AXIN1: variants seen among roughly 807,000 people sequenced by gnomAD.
AXIN1 encodes axin 1.
A neutral mutation model predicts 76.4 loss-of-function variants in AXIN1; 30 were observed. The ratio of observed to expected loss-of-function variants is 0.39; its 90% CI spans 0.29 to 0.53. The LOEUF (loss-of-function observed/expected upper bound fraction) is 0.53. Ranked by LOEUF, AXIN1 falls within the 20% of genes least tolerant of loss-of-function variation. The pLI is 0.66. For synonymous variants in AXIN1, 545 were observed against 501.4 expected, an observed-to-expected ratio of 1.09 and a Z score of -1.16; for missense variants, 1,140 against 1,198.8, an observed-to-expected ratio of 0.95 and a Z score of 0.72.
At chr16:338,202 T>C (rs1478748610) in intron 2 of AXIN1, among the ~76,000 whole-genome samples, 1 of 152,180 alleles carries the variant, frequency 6.6e-6, no homozygotes, top group African/African-American at 2.4e-5. Flanking sequence ...AACCGGAGCG[T>C]GTGCGTCAAT....
At chr16:338,677 C>T (rs3848366) in intron 2 of AXIN1, among the ~76,000 whole-genome samples, 1 of 152,172 alleles carries the variant, frequency 6.6e-6, no homozygotes, top group Non-Finnish European at 1.5e-5. Context: ...AATTCCAGCA[C>T]TTTGGGAGGC....
intron 2 of AXIN1, among the ~76,000 whole-genome samples, chr16:330,002 G>A (rs1415956130): frequency 6.6e-6 from 1 of 151,564 alleles, no homozygotes; most frequent in Non-Finnish European, 1.5e-5. Flanking sequence ...TCCTGACCTC[G>A]TGATCCTCCC....
chr16:333,285 T>A (rs1264935558), intron 2 of AXIN1, among the ~76,000 whole-genome samples: 1 of 150,590 alleles, frequency 6.6e-6, no homozygotes, highest in Non-Finnish European at 1.5e-5. Flanking sequence ...TGAGCCGAGA[T>A]CGCACCACTG....
Position 288,050 on chromosome 16 carries a change from G to T in AXIN1, c.*72C>A. 2 of 1,609,034 alleles carry T rather than the reference G, an allele frequency of 1.2e-6. No homozygotes were observed. Among genetic ancestry groups the T allele is most frequent in the Middle Eastern group, 1.7e-4 (1 of 6,052 alleles). On this transcript the variant is annotated 3_prime_UTR_variant, in exon 11 of 11. Transcript: ENST00000262320. ...TCCCCATCGGGCTCCTGAGTACGAG[G>T]TCATCTGCCTGGCCGTGACACCCGT...
chr16:300,998 C>T (rs2052853701), intron 5 of AXIN1, among the ~76,000 whole-genome samples: 1 of 152,166 alleles, frequency 6.6e-6, no homozygotes, highest in Admixed American at 6.5e-5. Context: ...TTTAAAAAAT[C>T]TGGAGTTCAC....
Position 287,863 on chromosome 16 carries a change from CG to C in AXIN1, c.*258del. The C allele has an allele frequency of 1.7e-6, 1 of 573,628 alleles. No homozygotes were observed. The highest frequency in any genetic ancestry group is 3.0e-5 in the East Asian group (1 of 33,312). 35.5% of individuals were successfully genotyped at this position (573,628 alleles called of 1,614,324 possible). On this transcript the variant is annotated 3_prime_UTR_variant, in exon 11 of 11. Coordinates refer to ENST00000262320, the MANE Select transcript of AXIN1 (RefSeq NM_003502.4). The stretch of plus-strand genomic sequence containing the variant: ...CACCTGAAGCTGGCAGCAGGGACCT[CG>C]GCTGCCTCACTTGGGCTGGGCCCTC...
intron 3 of AXIN1, among the ~76,000 whole-genome samples, chr16:314,246 TGGA>T (rs2053247882): frequency 6.6e-6 from 1 of 152,198 alleles, no homozygotes; most frequent in Admixed American, 6.5e-5. Context: ...TTGTACTGCT[TGGA>T]GGACAGCCTC....
chr16:310,205 C>T (rs1162448924), intron 3 of AXIN1, 136 bp from the exon 4 acceptor site: 28 of 745,050 alleles, frequency 3.8e-5, no homozygotes, highest in Admixed American at 1.0e-4. Flanking sequence ...CACTGAGACA[C>T]GTGCACACAG....
chr16:326,051 T>A (rs920023290), intron 2 of AXIN1, among the ~76,000 whole-genome samples: 1 of 152,052 alleles, frequency 6.6e-6, no homozygotes, highest in Non-Finnish European at 1.5e-5. Flanking sequence ...TGCTGTCACT[T>A]ATATACTATA....
chr16:318,648 C>T lies in AXIN1; in HGVS notation c.879-3965G>A, dbSNP rs576588589. Among the ~76,000 whole-genome samples the T allele has an allele frequency of 9.2e-5, 14 of 152,276 alleles. No individual in the cohort carries two copies. The East Asian group carries it at 2.5e-3, about 27-fold the overall frequency. On this transcript the variant is annotated intron_variant, in intron 2 of 10. Transcript: ENST00000262320. ...AGCTGGGATCCAGTGGCGGGAGGGG[C>T]ATGTGCTCGCGTGCCTGCCTGTGCG...
chr16:287,711 A>G lies in AXIN1; in HGVS notation c.*411T>C. The G allele has an allele frequency of 2.8e-6, 1 of 360,494 alleles. No homozygotes were observed. The highest frequency in any genetic ancestry group is 4.6e-5 in the East Asian group (1 of 21,740). 22.3% of individuals were successfully genotyped at this position (360,494 alleles called of 1,614,324 possible). A position where few individuals can be genotyped will look rare whatever the true frequency, so the allele number is the denominator to read the frequency against. ...GCACTCGGTGGCGCGTACAATTGACAGAGGCCCTGCAGGCCTCTGCATCCG... is the reference window on the plus strand; with the variant it reads ...GCACTCGGTGGCGCGTACAATTGACGGAGGCCCTGCAGGCCTCTGCATCCG... On this transcript the variant is annotated 3_prime_UTR_variant, in exon 11 of 11. Coordinates refer to ENST00000262320, the MANE Select transcript of AXIN1 (RefSeq NM_003502.4).
chr16:344,476 G>GT (rs1170609308), intron 2 of AXIN1, among the ~76,000 whole-genome samples: 1,513 of 88,872 alleles, frequency 0.017, 34 homozygotes, highest in African/African-American at 0.049. Context: ...ATCCTTTTTT[G>GT]TTTTTTTTTT....
chr16:340,048 C>CTT (rs1303507573), intron 2 of AXIN1, among the ~76,000 whole-genome samples: 2 of 147,506 alleles, frequency 1.4e-5, no homozygotes, highest in African/African-American at 4.9e-5. Flanking sequence ...TCTTCTTCTT[C>CTT]TTTTTTTTTT....
intron 2 of AXIN1, among the ~76,000 whole-genome samples, chr16:343,003 A>T (rs751494128): frequency 2.7e-4 from 41 of 152,228 alleles, no homozygotes; most frequent in Admixed American, 6.5e-5. Context: ...CCTGGACTTC[A>T]TGCCCTGTCT....
At chr16:305,823 C>T (rs575793483) in intron 4 of AXIN1, among the ~76,000 whole-genome samples, 59 of 152,226 alleles carry the variant, frequency 3.9e-4, no homozygotes, top group African/African-American at 1.4e-3. Flanking sequence ...GGATTACAGG[C>T]GTGAGCCACT....
At chr16:313,827 C>T (rs534816103) in intron 3 of AXIN1, among the ~76,000 whole-genome samples, 8 of 152,336 alleles carry the variant, frequency 5.3e-5, no homozygotes, top group African/African-American at 1.9e-4. Flanking sequence ...AAAACAAGCA[C>T]GTTCCTACAC....
In AXIN1 at chr16:287,906, G is replaced by C. The variant is rs952458043; in HGVS notation, c.*216C>G. On this transcript the variant is annotated 3_prime_UTR_variant, in exon 11 of 11. Coordinates refer to ENST00000262320, the MANE Select transcript of AXIN1 (RefSeq NM_003502.4). ...TGGGCCCTCCAAGTATTGCTATGAG[G>C]AGTGGTCCAGGCTGCCTCCTTGGGG... The C allele has an allele frequency of 1.4e-6, 1 of 703,056 alleles. No individual in the cohort carries two copies. Among genetic ancestry groups the C allele is most frequent in the Non-Finnish European group, 2.4e-6 (1 of 412,228 alleles). The allele number at this position is 703,056 out of a possible 1,614,324, so 43.6% of individuals were successfully genotyped here. A position where few individuals can be genotyped will look rare whatever the true frequency, so the allele number is the denominator to read the frequency against.
intron 8 of AXIN1, chr16:292,793 G>A (rs2052603243): frequency 6.6e-6 from 1 of 152,324 alleles, no homozygotes; most frequent in Non-Finnish European, 1.5e-5. Flanking sequence ...CCACACAAAG[G>A]GGAGACCTCC....
At chr16:289,736 A>C in intron 9 of AXIN1, 129 bp from the exon 10 acceptor site, 1 of 1,169,206 alleles carries the variant, frequency 8.6e-7, no homozygotes, top group Non-Finnish European at 1.2e-6. Context: ...CCATTCAAAC[A>C]CCTGGGGCCC....
Sources: allele counts gnomAD v4.1 joint callset (sites outside exome capture counted in the v4.1 genomes callset), GRCh38; gene constraint gnomAD v4.1.1; transcripts MANE v1.5; gene names NCBI Gene and HGNC (gene_info 2026-07-23, HGNC 2026-07-21).